The following ARHGEF19 variants were observed in gnomAD, a reference collection of about 807,000 sequenced individuals.
The protein encoded by ARHGEF19 is Rho guanine nucleotide exchange factor (GEF) 19.
A neutral mutation model predicts 87.6 loss-of-function variants in ARHGEF19; 92 were observed. The ratio of observed to expected loss-of-function variants is 1.05; its 90% CI spans 0.89 to 1.25. The LOEUF (loss-of-function observed/expected upper bound fraction) is 1.25. Among genes scored for constraint, ARHGEF19 ranks in the 50% most tolerant of loss-of-function variants. The pLI is 0.00. For synonymous variants in ARHGEF19, 438 were observed against 446.2 expected (o/e 0.98, Z 0.23); for missense variants, 1,054 against 1,051.8 (o/e 1.00, Z -0.03).
chr1:16,208,301 T>C, intron 2 of ARHGEF19, 76 bp from the exon 3 acceptor site: 1 of 1,508,294 alleles, frequency 6.6e-7, no homozygotes, highest in Non-Finnish European at 8.9e-7. Context: ...CCCCTGGCCC[T>C]GAGCACCTGG....
At chr1:16,202,360 G>A in intron 13 of ARHGEF19, 56 bp downstream of exon 13, 1 of 1,531,860 alleles carries the variant, frequency 6.5e-7, no homozygotes, top group Non-Finnish European at 8.8e-7. Flanking sequence ...CATGGGGACG[G>A]GGTGCCTGTC....
Position 16,205,057 on chromosome 1 carries a change from G to T in ARHGEF19, c.1746+30C>A. The T allele has an allele frequency of 6.3e-7, 1 of 1,579,230 alleles. No homozygotes were observed. The highest frequency in any genetic ancestry group is 8.6e-7 in the Non-Finnish European group (1 of 1,162,300). ...GAAGAAACAAGAGCTGCCCCTTGGG[G>T]TCCCCATCCCGCTGGCTGCAGACAC... On this transcript the variant is annotated intron_variant, in intron 11 of 15. Coordinates refer to ENST00000270747, the MANE Select transcript of ARHGEF19 (RefSeq NM_153213.5). This position sits in a 1 kb window ranked among gnomAD's most constrained non-coding sequence, Gnocchi z 5.8.
In ARHGEF19 at chr1:16,206,125, C is replaced by G. The variant is rs1196189574; in HGVS notation, c.1299-42G>C. On this transcript the variant is annotated intron_variant, in intron 7 of 15. Coordinates refer to ENST00000270747, the MANE Select transcript of ARHGEF19 (RefSeq NM_153213.5). This position sits in a 1 kb window ranked among gnomAD's most constrained non-coding sequence, Gnocchi z 4.6. ...AGGATGGAGACCCCAGATCTGGGAG[C>G]TGGCCAACCACTGGCTCCGTCCCCA... The G allele has an allele frequency of 7.0e-6, 11 of 1,575,258 alleles. No individual in the cohort carries two copies. In the South Asian group the frequency reaches 8.1e-5, roughly 12 times the overall value.
intron 2 of ARHGEF19, 113 bp from the exon 3 acceptor site, chr1:16,208,338 A>G (rs1453176661): frequency 7.5e-7 from 1 of 1,334,834 alleles, no homozygotes; most frequent in African/African-American, 1.5e-5. Context: ...TGCCCAAGGG[A>G]AGGGCCTGTG....
rs763450731 is a variant in ARHGEF19 at position 16,208,965 on chromosome 1, C to T, written c.90G>A (p.Glu30=). The T allele has an allele frequency of 3.2e-6, 5 of 1,556,726 alleles. No homozygotes were observed. The highest frequency in any genetic ancestry group is 2.1e-5 in the Admixed American group (1 of 48,470). The change falls in exon 2 of 16, where the codon GAG becomes GAA. Residue 30 remains glutamate (E), a synonymous_variant. Transcript: ENST00000270747. ...CGGGCAGCTCTGCAAAGGACAGACT[C>T]TCCTGCTGGCACACTGCTACAGGGT... ...AHHPVAVCQQ[E]SLSFAELPAL...
At position 16,208,162 on chromosome 1, in the gene ARHGEF19, A is replaced by C; in HGVS notation, c.476T>G (p.Phe159Cys). Reference protein sequence around the residue: ...VPGCPEAHAVFLEPGQVVQEQ... With the variant: ...VPGCPEAHAVCLEPGQVVQEQ... ...TTGCACTACCTGGCCAGGCTCTAGG[A>C]AGACAGCGTGGGCCTCGGGGCAGCC... Residue 159 changes from phenylalanine (F) to cysteine (C), a missense_variant, in exon 3 of 16, where the codon TTC becomes TGC. Physicochemically the swap from Phe to Cys is radical, Grantham distance 205. Transcript: ENST00000270747. 6.2e-7 allele frequency: 1 copy of C among 1,613,270 alleles called. No individual in the cohort carries two copies. The highest frequency in any genetic ancestry group is 8.5e-7 in the Non-Finnish European group (1 of 1,179,508).
Position 16,205,747 on chromosome 1 carries a change from T to C in ARHGEF19, c.1452-80A>G. Reference sequence around the variant, plus strand: ...ACAACCCTGGCCATCCACGGGGTCCTCAGGGGGCTTCTCAGCACATCCTTA... The same window carrying C: ...ACAACCCTGGCCATCCACGGGGTCCCCAGGGGGCTTCTCAGCACATCCTTA... On this transcript the variant is annotated intron_variant, in intron 8 of 15. Coordinates refer to ENST00000270747, the MANE Select transcript of ARHGEF19 (RefSeq NM_153213.5). This position sits in a 1 kb window ranked among gnomAD's most constrained non-coding sequence, Gnocchi z 5.8. 1 of 1,519,010 alleles carries C rather than the reference T, an allele frequency of 6.6e-7. No individual in the cohort carries two copies. Among genetic ancestry groups the C allele is most frequent in the South Asian group, 1.3e-5 (1 of 79,896 alleles). The allele number at this position is 1,519,010 out of a possible 1,614,324, so 94.1% of individuals were successfully genotyped here. A position where few individuals can be genotyped will look rare whatever the true frequency, so the allele number is the denominator to read the frequency against.
At position 16,206,874 on chromosome 1, in the gene ARHGEF19, C is replaced by T. The variant is rs977712213; in HGVS notation, c.1137+74G>A. On this transcript the variant is annotated intron_variant, in intron 6 of 15. Coordinates refer to ENST00000270747, the MANE Select transcript of ARHGEF19 (RefSeq NM_153213.5). This position sits in a 1 kb window ranked among gnomAD's most constrained non-coding sequence, Gnocchi z 4.6. ...TGTGTGTCCCCCTCCCTCTATGGCC[C>T]GGTTCCCGCTAAGTCCCCGGACCGC... The T allele has an allele frequency of 5.1e-6, 7 of 1,380,858 alleles. No homozygotes were observed. Among genetic ancestry groups the T allele is most frequent in the Non-Finnish European group, 6.5e-6 (7 of 1,074,344 alleles). The allele number at this position is 1,380,858 out of a possible 1,614,324, so 85.5% of individuals were successfully genotyped here. A position where few individuals can be genotyped will look rare whatever the true frequency, so the allele number is the denominator to read the frequency against.
chr1:16,207,901 C>CCCCCCG lies in ARHGEF19; in HGVS notation c.694+42_694+43insCGGGGG. 6.3e-7 allele frequency: 1 copy of CCCCCCG among 1,575,246 alleles called. No individual in the cohort carries two copies. Among genetic ancestry groups the CCCCCCG allele is most frequent in the Non-Finnish European group, 8.6e-7 (1 of 1,159,418 alleles). ...GGGCATCGCCCACCCCCACCCCCAC[C>CCCCCCG]CGGCATCTGGCTGCCCTCAGGGCCC... On this transcript the variant is annotated intron_variant, in intron 3 of 15. Transcript: ENST00000270747. This position sits in a 1 kb window ranked among gnomAD's most constrained non-coding sequence, Gnocchi z 4.0.
Position 16,198,531 on chromosome 1 carries a change from T to C in ARHGEF19, c.*56A>G. On this transcript the variant is annotated 3_prime_UTR_variant, in exon 16 of 16. Coordinates refer to ENST00000270747, the MANE Select transcript of ARHGEF19 (RefSeq NM_153213.5). The surrounding 1 kb of genome is among the most constrained non-coding windows in gnomAD (Gnocchi z 4.1). ...GGGGAATGGAGACACTGCAGGCCCC[T>C]CCAGGACCATCCAGGAGCCAGGCAT... 4 of 1,547,772 alleles carry C rather than the reference T, an allele frequency of 2.6e-6. No individual in the cohort carries two copies. The South Asian group carries it at 5.0e-5, about 19-fold the overall frequency.
In ARHGEF19 at chr1:16,205,084, C is replaced by T. The variant is rs113188979; in HGVS notation, c.1746+3G>A. On this transcript the variant is annotated splice_donor_region_variant and intron_variant, in intron 11 of 15. Coordinates refer to ENST00000270747, the MANE Select transcript of ARHGEF19 (RefSeq NM_153213.5). This position sits in a 1 kb window ranked among gnomAD's most constrained non-coding sequence, Gnocchi z 5.8. The stretch of plus-strand genomic sequence containing the variant: ...CCCCATCCCGCTGGCTGCAGACACA[C>T]ACCTTGCCCTCAAAGTGGATCTTCT... The T allele has an allele frequency of 7.1e-4, 1,131 of 1,599,880 alleles. 8 individuals are homozygous for T. Among genetic ancestry groups the T allele is most frequent in the Admixed American group, 1.7e-4 (10 of 57,450 alleles).
Position 16,198,641 on chromosome 1 carries a change from C to T in ARHGEF19, c.2355G>A (p.Arg785=). The change falls in exon 16 of 16, where the codon CGG becomes CGA. Residue 785 remains arginine (R), a synonymous_variant. Coordinates refer to ENST00000270747, the MANE Select transcript of ARHGEF19 (RefSeq NM_153213.5). This position sits in a 1 kb window ranked among gnomAD's most constrained non-coding sequence, Gnocchi z 4.1. ...TGGCACTTGTGACTCGCTTATTCTC[C>T]CGGAGGTTTCGGAGGCGGGCGCTGA... The part of the protein sequence containing the change: ...SSLSARLRNL[R]ENKRVTSATS... 1 of 1,613,740 alleles carries T rather than the reference C, an allele frequency of 6.2e-7. No individual in the cohort carries two copies. The highest frequency in any genetic ancestry group is 8.5e-7 in the Non-Finnish European group (1 of 1,179,782).
At chr1:16,204,323 G>A (rs1426176078) in intron 12 of ARHGEF19, among the ~76,000 whole-genome samples, 1 of 152,216 alleles carries the variant, frequency 6.6e-6, no homozygotes, top group Non-Finnish European at 1.5e-5. Flanking sequence ...CCACCTACTA[G>A]CTCCATGATC....
rs770662423 is a variant in ARHGEF19, at chr1:16,202,636, C to A, written c.1908-62G>T. The A allele has an allele frequency of 1.9e-6, 3 of 1,573,154 alleles. No homozygotes were observed. In the East Asian group the frequency reaches 6.7e-5, roughly 35 times the overall value. On this transcript the variant is annotated intron_variant, in intron 12 of 15. Coordinates refer to ENST00000270747, the MANE Select transcript of ARHGEF19 (RefSeq NM_153213.5). ...GGCCCTGGCTCTAGGCACCCACCCT[C>A]GGGATCAGGTGGGTTCTGACTGGAA...
chr1:16,199,275 C>G (rs1254804492), intron 14 of ARHGEF19, 21 bp from the exon 15 acceptor site: 4 of 1,612,276 alleles, frequency 2.5e-6, no homozygotes, highest in African/African-American at 2.7e-5. Flanking sequence ...AAGGGAGGCT[C>G]AGGGAGTCCC....
At chr1:16,209,787 C>G (rs1415178280) in intron 1 of ARHGEF19, among the ~76,000 whole-genome samples, 1 of 152,264 alleles carries the variant, frequency 6.6e-6, no homozygotes, top group East Asian at 1.9e-4. Flanking sequence ...CCCCCATCTC[C>G]CCGACCCTTG....
intron 13 of ARHGEF19, 70 bp downstream of exon 13, chr1:16,202,346 C>T: frequency 2.4e-6 from 2 of 824,406 alleles, no homozygotes; most frequent in Non-Finnish European, 3.2e-6. Flanking sequence ...GACGGGGTGC[C>T]CATCATGGGG....
Position 16,205,722 on chromosome 1 carries a change from A to C in ARHGEF19, c.1452-55T>G. 4 of 1,553,164 alleles carry C rather than the reference A, an allele frequency of 2.6e-6. No homozygotes were observed. Among genetic ancestry groups the C allele is most frequent in the Non-Finnish European group, 3.5e-6 (4 of 1,150,662 alleles). ...AGGTAGGCCTGAATTCCTGGGATCC[A>C]CAACCCTGGCCATCCACGGGGTCCT... On this transcript the variant is annotated intron_variant, in intron 8 of 15. Coordinates refer to ENST00000270747, the MANE Select transcript of ARHGEF19 (RefSeq NM_153213.5). This position sits in a 1 kb window ranked among gnomAD's most constrained non-coding sequence, Gnocchi z 5.8.
intron 14 of ARHGEF19, 141 bp from the exon 15 acceptor site, chr1:16,199,395 A>G: frequency 1.5e-6 from 1 of 683,436 alleles, no homozygotes; most frequent in Non-Finnish European, 2.6e-6. Flanking sequence ...TGCCACTGCC[A>G]TGCCACAGGC....
Sources: allele counts gnomAD v4.1 joint callset (sites outside exome capture counted in the v4.1 genomes callset), GRCh38; gene constraint gnomAD v4.1.1; non-coding constraint Gnocchi (gnomAD v3.1); transcripts MANE v1.5; gene names NCBI Gene and HGNC (gene_info 2026-07-23, HGNC 2026-07-21).